The following EPM2A variants were observed in gnomAD, a reference collection of about 807,000 sequenced individuals.
The protein encoded by EPM2A is EPM2A glucan phosphatase, laforin.
A neutral mutation model predicts 26.5 loss-of-function variants in EPM2A; 21 were observed. The ratio of observed to expected loss-of-function variants is 0.79; its 90% CI spans 0.56 to 1.14. The LOEUF (loss-of-function observed/expected upper bound fraction) is 1.14, where lower values mean the gene tolerates loss of function less well. Among genes scored for constraint, EPM2A ranks in the 50% most tolerant of loss-of-function variants. The pLI is 0.00. For missense variants in EPM2A, 458 were observed against 440.8 expected (o/e 1.04, Z -0.35); for synonymous variants, 217 against 177.6 (o/e 1.22, Z -1.76).
At chr6:145,401,878 ATAAT>A (rs1778495171) in intron 4 of EPM2A, among the ~76,000 whole-genome samples, 1 of 152,132 alleles carries the variant, frequency 6.6e-6, no homozygotes, top group Non-Finnish European at 1.5e-5. Context: ...GAGTAAAATA[ATAAT>A]TAGTGAGTCA....
chr6:145,432,180 T>C (rs1778931037), intron 4 of EPM2A, among the ~76,000 whole-genome samples: 2 of 152,316 alleles, frequency 1.3e-5, no homozygotes. Flanking sequence ...AGGGCTGGAA[T>C]CAACTTCTTC....
chr6:145,654,639 C>T (rs1326592164), intron 2 of EPM2A, among the ~76,000 whole-genome samples: 4 of 152,082 alleles, frequency 2.6e-5, no homozygotes, highest in South Asian at 2.1e-4. Context: ...CCTTTATTTC[C>T]GCAGAAACGG....
chr6:145,613,681 G>C (rs1338122174), intron 2 of EPM2A, among the ~76,000 whole-genome samples: 2 of 152,138 alleles, frequency 1.3e-5, no homozygotes, highest in Non-Finnish European at 2.9e-5. Context: ...CTTTGGGTGA[G>C]CAGGTATCTT....
At chr6:145,466,022 A>G (rs1779386850) in intron 4 of EPM2A, among the ~76,000 whole-genome samples, 1 of 152,118 alleles carries the variant, frequency 6.6e-6, no homozygotes, top group Non-Finnish European at 1.5e-5. Flanking sequence ...TTAGACCTAA[A>G]ACCATAAAAA....
At chr6:145,467,096 A>G (rs1441911049) in intron 4 of EPM2A, among the ~76,000 whole-genome samples, 1 of 152,170 alleles carries the variant, frequency 6.6e-6, no homozygotes, top group African/African-American at 2.4e-5. Context: ...ATGCATATGT[A>G]ACTAACCTGC....
intron 4 of EPM2A, among the ~76,000 whole-genome samples, chr6:145,474,398 G>T (rs1212646591): frequency 6.6e-6 from 1 of 152,130 alleles, no homozygotes; most frequent in East Asian, 1.9e-4. Flanking sequence ...GGAGGCAGAA[G>T]TGGCAGTGAG....
rs566040699 is a variant in EPM2A, at chr6:145,454,118, T to A, written c.555+48404A>T. On this transcript the variant is annotated intron_variant, in intron 4 of 4. Coordinates refer to the EPM2A transcript ENST00000638717. ...ATCAAATTGGTCTTCTATGAAAGATTTCAAAATTCAGCATGTCACTTCCTT... is the reference window on the plus strand; with the variant it reads ...ATCAAATTGGTCTTCTATGAAAGATATCAAAATTCAGCATGTCACTTCCTT... Among the ~76,000 whole-genome samples the A allele has an allele frequency of 2.3e-4, 35 of 152,294 alleles. 2 individuals carry two copies. The South Asian group carries it at 7.0e-3, about 31-fold the overall frequency.
intron 2 of EPM2A, among the ~76,000 whole-genome samples, chr6:145,514,486 T>C (rs1295473023): frequency 2.6e-5 from 4 of 152,186 alleles, no homozygotes; most frequent in South Asian, 4.1e-4. Context: ...TATTGATATA[T>C]GTACATTTAC....
chr6:145,576,759 CTTG>C (rs1490483994), intron 2 of EPM2A, among the ~76,000 whole-genome samples: 4 of 151,994 alleles, frequency 2.6e-5, no homozygotes, highest in Non-Finnish European at 4.4e-5. Flanking sequence ...ATACTTAAAA[CTTG>C]TTGTGTAAAA....
intron 4 of EPM2A, among the ~76,000 whole-genome samples, chr6:145,419,460 T>C (rs988643239): frequency 1.4e-4 from 21 of 152,124 alleles, no homozygotes; most frequent in Non-Finnish European, 7.4e-5. Flanking sequence ...AAATCAAATC[T>C]CAAAAATTGG....
intron 4 of EPM2A, among the ~76,000 whole-genome samples, chr6:145,454,096 A>T (rs1779230876): frequency 6.6e-6 from 1 of 152,168 alleles, no homozygotes; most frequent in Non-Finnish European, 1.5e-5. Flanking sequence ...GTATTAAATC[A>T]AATTGGTCTT....
At position 145,467,434 on chromosome 6, in the gene EPM2A, T is replaced by C. The variant is rs989667694; in HGVS notation, c.555+35088A>G. Among the ~76,000 whole-genome samples the C allele has an allele frequency of 3.9e-5, 6 of 152,152 alleles. 1 individual carries two copies. The highest frequency in any genetic ancestry group is 1.3e-4 in the Admixed American group (2 of 15,256). ...GTAGCTGGATCTGATCTTATACTCT[T>C]TTTCTGTGCAGTCAAGCTGCCTCTT... On this transcript the variant is annotated intron_variant, in intron 4 of 4. Transcript: ENST00000638717.
chr6:145,703,019 T>C (rs537649586), intron 1 of EPM2A, among the ~76,000 whole-genome samples: 6 of 152,334 alleles, frequency 3.9e-5, no homozygotes, highest in African/African-American at 1.4e-4. Context: ...ATATTTTGAA[T>C]AGTGCTCATC....
intron 2 of EPM2A, among the ~76,000 whole-genome samples, chr6:145,510,141 G>T (rs1019596793): frequency 2.0e-5 from 3 of 150,522 alleles, no homozygotes; most frequent in Admixed American, 2.0e-4. Flanking sequence ...CAATAATAGT[G>T]GTGGAATTCA....
At chr6:145,582,131 T>G (rs563532182) in intron 2 of EPM2A, among the ~76,000 whole-genome samples, 1 of 152,172 alleles carries the variant, frequency 6.6e-6, no homozygotes, top group African/African-American at 2.4e-5. Context: ...AGGTTCTGGT[T>G]TGTTGTATCC....
At chr6:145,404,484 T>C (rs1041388450) in intron 4 of EPM2A, among the ~76,000 whole-genome samples, 2 of 152,082 alleles carry the variant, frequency 1.3e-5, no homozygotes, top group Non-Finnish European at 2.9e-5. Flanking sequence ...AATAAGGGCA[T>C]ATACCCTGAA....
At chr6:145,527,012 T>G (rs1290677658) in intron 2 of EPM2A, among the ~76,000 whole-genome samples, 1 of 152,142 alleles carries the variant, frequency 6.6e-6, no homozygotes, top group Non-Finnish European at 1.5e-5. Context: ...TCAAATGATT[T>G]TTTGATTTCT....
At chr6:145,671,489 T>C (rs1261499949) in intron 2 of EPM2A, 5 of 581,042 alleles carry the variant, frequency 8.6e-6, no homozygotes, top group Non-Finnish European at 1.1e-5. Context: ...GCTTTTGAAA[T>C]TAACATTGAC....
In EPM2A at chr6:145,543,360, C is replaced by T. The variant is rs1470585862; in HGVS notation, c.341-40785G>A. ...CATTATAAAAATAATAAATCTAGGC[C>T]AGTGTCAACGCCAAACCATAGAATG... On this transcript the variant is annotated intron_variant, in intron 2 of 3. Transcript: ENST00000450221. Among the ~76,000 whole-genome samples, 6 of 152,074 alleles carry T rather than the reference C, an allele frequency of 3.9e-5. 1 individual carries two copies. Among genetic ancestry groups the T allele is most frequent in the Admixed American group, 3.9e-4 (6 of 15,288 alleles).
Sources: allele counts gnomAD v4.1 joint callset (sites outside exome capture counted in the v4.1 genomes callset), GRCh38; gene constraint gnomAD v4.1.1; transcripts MANE v1.5; gene names NCBI Gene and HGNC (gene_info 2026-07-23, HGNC 2026-07-21).